Variants in SHISA9 observed in about 807,000 individuals in gnomAD.
SHISA9 encodes shisa family member 9.
SHISA9 carries 13 observed loss-of-function variants against 38.0 expected under a neutral mutation model. The observed-to-expected ratio is 0.34, with a 90% CI of 0.22 to 0.54. The LOEUF (loss-of-function observed/expected upper bound fraction) is 0.54. Among genes scored for constraint, SHISA9 ranks in the 20% least tolerant of loss-of-function variants. The probability of loss-of-function intolerance (pLI) is 0.91; values close to 1 mark genes in which losing one functional copy is unlikely to be tolerated. For synonymous variants in SHISA9, 275 were observed against 242.0 expected (o/e 1.14, Z -1.27); for missense variants, 538 against 575.8 (o/e 0.93, Z 0.67).
chr16:12,950,586 A>C (rs1026416757), intron 2 of SHISA9, among the ~76,000 whole-genome samples: 2 of 152,124 alleles, frequency 1.3e-5, no homozygotes, highest in African/African-American at 2.4e-5. Context: ...CAAAAAACGA[A>C]AAATAGATCT....
the SHISA9 span, among the ~76,000 whole-genome samples, chr16:13,411,113 T>C: frequency 6.6e-6 from 1 of 152,200 alleles, no homozygotes; most frequent in East Asian, 1.9e-4. Flanking sequence ...CCCATATCCG[T>C]CCCTGATTCA....
intron 2 of SHISA9, among the ~76,000 whole-genome samples, chr16:12,940,479 G>A (rs1274141727): frequency 6.6e-6 from 1 of 150,584 alleles, no homozygotes; most frequent in Non-Finnish European, 1.5e-5. Context: ...CCTTATCTAA[G>A]AAAGTTTAAA....
the SHISA9 span, among the ~76,000 whole-genome samples, chr16:13,547,379 A>T: frequency 1.3e-5 from 2 of 152,206 alleles, no homozygotes; most frequent in Admixed American, 1.3e-4. Flanking sequence ...GAAGAGATTT[A>T]TCATGGGAAT....
At chr16:13,535,897 C>A in the SHISA9 span, among the ~76,000 whole-genome samples, 5 of 152,174 alleles carry the variant, frequency 3.3e-5, no homozygotes, top group Admixed American at 3.3e-4. Context: ...CTAACTACAG[C>A]TTCACTTCCT....
intron 2 of SHISA9, among the ~76,000 whole-genome samples, chr16:12,996,462 A>G (rs2072458748): frequency 1.3e-5 from 2 of 152,128 alleles, no homozygotes; most frequent in South Asian, 2.1e-4. Context: ...AGTGCTTGTT[A>G]CCACTTACCA....
rs527246581 is a variant in SHISA9 at position 13,170,948 on chromosome 16, C to T, written c.692-32446C>T. On this transcript the variant is annotated intron_variant, in intron 2 of 4. Coordinates refer to ENST00000558583, the MANE Select transcript of SHISA9 (RefSeq NM_001145204.3). Reference sequence around the variant, plus strand: ...CTGGGATTACAGGCGTCAACCACCGCGCTGGGCCTAAAATAAAAGTTGAAG... The same window carrying T: ...CTGGGATTACAGGCGTCAACCACCGTGCTGGGCCTAAAATAAAAGTTGAAG... 5.1e-3 allele frequency among the ~76,000 whole-genome samples: 782 copies of T among 152,080 alleles called. 7 individuals carry two copies. Among genetic ancestry groups the T allele is most frequent in the African/African-American group, 0.018 (746 of 41,470 alleles).
intron 2 of SHISA9, among the ~76,000 whole-genome samples, chr16:13,126,522 GGAGGGAGA>G (rs1305046381): frequency 6.7e-6 from 1 of 149,536 alleles, no homozygotes; most frequent in Non-Finnish European, 1.5e-5. Context: ...GGAGAGAGAT[GGAGGGAGA>G]GAGGGAGAGA....
At chr16:13,074,698 G>C (rs567147000) in intron 2 of SHISA9, among the ~76,000 whole-genome samples, 37 of 138,906 alleles carry the variant, frequency 2.7e-4, no homozygotes, top group Admixed American at 1.1e-3. Context: ...GAGTTTTGCT[G>C]TTGTCACCCA....
the SHISA9 span, among the ~76,000 whole-genome samples, chr16:13,549,067 T>C: frequency 6.6e-6 from 1 of 152,308 alleles, no homozygotes; most frequent in Admixed American, 6.5e-5. Context: ...TTTGCAGCAA[T>C]GTGGATGAAT....
At chr16:13,144,521 C>G (rs937715907) in intron 2 of SHISA9, among the ~76,000 whole-genome samples, 1 of 152,070 alleles carries the variant, frequency 6.6e-6, no homozygotes, top group Non-Finnish European at 1.5e-5. Flanking sequence ...AATTTGGCTT[C>G]TAGGTTCTGA....
At chr16:13,150,040 A>AC (rs1345329544) in intron 2 of SHISA9, among the ~76,000 whole-genome samples, 1 of 149,090 alleles carries the variant, frequency 6.7e-6, no homozygotes, top group Non-Finnish European at 1.5e-5. Context: ...TAAAAAAAAA[A>AC]AAAAAAAAAA....
intron 2 of SHISA9, among the ~76,000 whole-genome samples, chr16:12,963,985 T>A (rs2071945410): frequency 6.6e-6 from 1 of 152,230 alleles, no homozygotes; most frequent in Non-Finnish European, 1.5e-5. Flanking sequence ...CATAATTAAG[T>A]AAATGAAAAC....
the SHISA9 span, among the ~76,000 whole-genome samples, chr16:13,334,130 T>C: frequency 1.3e-5 from 2 of 152,320 alleles, no homozygotes; most frequent in African/African-American, 4.8e-5. Context: ...ATATCAAGAA[T>C]AGAAAGCAGA....
the SHISA9 span, among the ~76,000 whole-genome samples, chr16:13,531,969 T>C: frequency 3.3e-5 from 5 of 152,134 alleles, no homozygotes; most frequent in Admixed American, 2.6e-4. Flanking sequence ...GAAGAAGAAA[T>C]ACTTAAGGAG....
chr16:13,065,082 T>A (rs867078050), intron 2 of SHISA9, among the ~76,000 whole-genome samples: 4 of 152,230 alleles, frequency 2.6e-5, no homozygotes, highest in Admixed American at 2.0e-4. Flanking sequence ...TAGCTTAAGA[T>A]ATCTTGCCTT....
chr16:13,325,699 C>T, the SHISA9 span, among the ~76,000 whole-genome samples: 6 of 152,252 alleles, frequency 3.9e-5, no homozygotes, highest in African/African-American at 7.2e-5. Context: ...GCAATCCTTA[C>T]GCCATGGAAC....
intron 2 of SHISA9, among the ~76,000 whole-genome samples, chr16:12,977,672 A>G (rs966948390): frequency 2.0e-5 from 3 of 152,156 alleles, no homozygotes; most frequent in Non-Finnish European, 4.4e-5. Flanking sequence ...TTGCAGGGAC[A>G]TGGATGGAGC....
the SHISA9 span, among the ~76,000 whole-genome samples, chr16:13,364,790 G>A: frequency 6.6e-6 from 1 of 152,210 alleles, no homozygotes; most frequent in African/African-American, 2.4e-5. Context: ...AAAAGTATCT[G>A]TGTTCAGCTA....
At chr16:13,494,907 T>G in the SHISA9 span, among the ~76,000 whole-genome samples, 3 of 152,210 alleles carry the variant, frequency 2.0e-5, no homozygotes, top group African/African-American at 7.2e-5. Flanking sequence ...GTTCTGTCTA[T>G]ACATTGATAC....
Sources: gnomAD v4.1 joint callset for allele counts (sites outside exome capture counted in the v4.1 genomes callset) on GRCh38, gnomAD v4.1.1 for gene constraint, MANE v1.5 for transcripts, NCBI Gene and HGNC (gene_info 2026-07-23, HGNC 2026-07-21) for gene names.